The following ARSG variants were observed in gnomAD, a reference collection of about 807,000 sequenced individuals.
ARSG encodes ASG.
ARSG carries 37 observed loss-of-function variants against 50.5 expected under a neutral mutation model. That is an observed-to-expected ratio of 0.73 (90% confidence interval 0.56 to 0.96). ARSG has a LOEUF of 0.96. Ranked by LOEUF, ARSG falls within the 50% of genes least tolerant of loss-of-function variation. ARSG has a pLI of 0.00. For missense variants in ARSG, 629 were observed against 675.3 expected, an observed-to-expected ratio of 0.93 and a Z score of 0.76; for synonymous variants, 225 against 254.6, an observed-to-expected ratio of 0.88 and a Z score of 1.11.
chr17:68,274,187 C>A, intron 1 of ARSG: 1 of 1,117,956 alleles, frequency 8.9e-7, no homozygotes, highest in Non-Finnish European at 1.3e-6. Context: ...TAAATATGGC[C>A]GAGCGCAGTG....
chr17:68,398,928 C>G (rs1345305285), intron 10 of ARSG, among the ~76,000 whole-genome samples: 3 of 152,202 alleles, frequency 2.0e-5, no homozygotes, highest in Admixed American at 6.5e-5. Context: ...AAGGGGAGGG[C>G]TGCACAGCCT....
rs750849846 is a variant in ARSG at position 68,401,377 on chromosome 17, C to G, written c.1230C>G (p.Asn410Lys). The change falls in exon 11 of 12, where the codon AAC becomes AAG. Residue 410 changes from asparagine (N) to lysine (K), a missense_variant. Physicochemically the swap from Asn to Lys is moderately conservative, Grantham distance 94. Coordinates refer to ENST00000621439, the MANE Select transcript of ARSG (RefSeq NM_001267727.2). Reference protein sequence around the residue: ...QPGHRVLFHPNSGAAGEFGAL... With the variant: ...QPGHRVLFHPKSGAAGEFGAL... ...TTTCTCAGGTGCTGTTCCACCCCAA[C>G]AGCGGGGCAGCTGGAGAGTTTGGAG... is the stretch of plus-strand genomic sequence containing the variant. The G allele has an allele frequency of 6.2e-7, 1 of 1,613,912 alleles. No homozygotes were observed.
upstream of ARSG, among the ~76,000 whole-genome samples, chr17:68,288,742 A>G (rs1048431873): frequency 5.3e-5 from 8 of 152,342 alleles, no homozygotes; most frequent in South Asian, 1.7e-3. Context: ...CTTTGAAGGC[A>G]AGGCCGAAGA....
the ARSG span, among the ~76,000 whole-genome samples, chr17:68,437,293 AC>A: frequency 6.6e-6 from 1 of 151,954 alleles, no homozygotes; most frequent in Non-Finnish European, 1.5e-5. Flanking sequence ...GGTGGCCCAC[AC>A]CTGTGATCCC....
In ARSG at chr17:68,389,174, TCTC is replaced by T. The variant is rs145845620; in HGVS notation, c.1091+4010_1091+4012del. On this transcript the variant is annotated intron_variant, in intron 9 of 11. Transcript: ENST00000621439. The stretch of plus-strand genomic sequence containing the variant: ...AACCACATGTCGCCTTTCCAAGTCC[TCTC>T]CTCCTCCCTGGATCTGGCAGTGGGT... Among the ~76,000 whole-genome samples the T allele has an allele frequency of 4.3e-3, 648 of 152,212 alleles. 6 individuals carry two copies. Among genetic ancestry groups the T allele is most frequent in the African/African-American group, 0.015 (605 of 41,530 alleles).
intron 2 of ARSG, among the ~76,000 whole-genome samples, chr17:68,328,834 T>C (rs1415760015): frequency 1.3e-5 from 2 of 151,868 alleles, no homozygotes; most frequent in Non-Finnish European, 2.9e-5. Context: ...GCTATGGCTT[T>C]CCCACCAGAC....
chr17:68,395,099 T>C lies in ARSG; in HGVS notation c.1118T>C (p.Val373Ala), dbSNP rs564693630. The change falls in exon 10 of 12, where the codon GTA becomes GCA. Residue 373 changes from valine to alanine, a missense_variant. By Grantham distance (64) the Val-to-Ala change is moderately conservative. Transcript: ENST00000621439. The stretch of plus-strand genomic sequence containing the variant: ...GTGCTGGACATTTTTCCAACTGTGG[T>C]AGCCCTGGCCCAGGCCAGCTTACCT... ...LSVLDIFPTV[V>A]ALAQASLPQG... 6.2e-7 allele frequency: 1 copy of C among 1,614,044 alleles called. No individual in the cohort carries two copies. The highest frequency in any genetic ancestry group is 8.5e-7 in the Non-Finnish European group (1 of 1,179,904).
intron 9 of ARSG, among the ~76,000 whole-genome samples, chr17:68,394,773 A>G (rs972013670): frequency 2.0e-5 from 3 of 152,156 alleles, no homozygotes; most frequent in African/African-American, 7.2e-5. Context: ...TATCATACCC[A>G]TCTTAGAGAA....
chr17:68,364,750 G>A (rs181042885), intron 6 of ARSG, among the ~76,000 whole-genome samples: 7 of 152,258 alleles, frequency 4.6e-5, no homozygotes, highest in Non-Finnish European at 1.0e-4. Context: ...TGAAATGAAT[G>A]TGTTTTAGAA....
At chr17:68,359,184 A>G (rs953928863) in intron 6 of ARSG, among the ~76,000 whole-genome samples, 1 of 152,074 alleles carries the variant, frequency 6.6e-6, no homozygotes, top group Non-Finnish European at 1.5e-5. Flanking sequence ...AACAACAACA[A>G]CAACAAAACT....
intron 1 of ARSG, among the ~76,000 whole-genome samples, chr17:68,276,072 T>C (rs1451128619): frequency 2.6e-5 from 4 of 152,048 alleles, no homozygotes; most frequent in African/African-American, 9.7e-5. Context: ...GTATGAGAAC[T>C]AACAAGATAA....
the ARSG span, chr17:68,444,550 T>G: frequency 1.2e-6 from 2 of 1,614,154 alleles, no homozygotes; most frequent in Non-Finnish European, 8.5e-7. Context: ...TCTTTAATGT[T>G]GTGAATATAA....
the ARSG span, among the ~76,000 whole-genome samples, chr17:68,451,977 TAACA>T: frequency 6.6e-6 from 1 of 152,188 alleles, no homozygotes; most frequent in Admixed American, 6.5e-5. Context: ...AATGGTGTAA[TAACA>T]ATAACATCTT....
rs913485895 is a variant in ARSG at position 68,314,424 on chromosome 17, G to A, written c.218+6713G>A. The stretch of plus-strand genomic sequence containing the variant: ...GCTTGTAATCCCAGCTACTCGGGAG[G>A]CTGAGGCGGGAGAATCATTTGAACC... On this transcript the variant is annotated intron_variant, in intron 2 of 11. Transcript: ENST00000621439. 1.1e-4 allele frequency among the ~76,000 whole-genome samples: 16 copies of A among 151,920 alleles called. 1 individual carries two copies. Among genetic ancestry groups the A allele is most frequent in the Admixed American group, 1.0e-3 (16 of 15,246 alleles).
At chr17:68,389,490 A>G (rs928020475) in intron 9 of ARSG, among the ~76,000 whole-genome samples, 1 of 152,044 alleles carries the variant, frequency 6.6e-6, no homozygotes, top group Non-Finnish European at 1.5e-5. Context: ...TTTCTCGGGG[A>G]TAATGACAGG....
intron 6 of ARSG, among the ~76,000 whole-genome samples, chr17:68,366,611 T>C (rs1391127290): frequency 2.6e-5 from 4 of 152,120 alleles, no homozygotes; most frequent in African/African-American, 9.7e-5. Context: ...ATCTGCACTG[T>C]CCAAGCTGCT....
chr17:68,277,419 C>T (rs184704363), intron 1 of ARSG, among the ~76,000 whole-genome samples: 305 of 151,526 alleles, frequency 2.0e-3, no homozygotes, highest in Non-Finnish European at 3.2e-3. Flanking sequence ...CGTGAGCCAC[C>T]GCGCCCGGCC....
chr17:68,270,712 C>G (rs1555748171), intron 1 of ARSG: 1 of 797,256 alleles, frequency 1.3e-6, no homozygotes, highest in Non-Finnish European at 2.0e-6. Flanking sequence ...ATCTCTAATC[C>G]CTGGCAGCTC....
At chr17:68,269,125 T>G in intron 1 of ARSG, 2 of 1,513,880 alleles carry the variant, frequency 1.3e-6, no homozygotes, top group Non-Finnish European at 1.8e-6. Flanking sequence ...ACGTGAACTC[T>G]GTGCTCATTT....
Sources: allele counts gnomAD v4.1 joint callset (sites outside exome capture counted in the v4.1 genomes callset), GRCh38; gene constraint gnomAD v4.1.1; transcripts MANE v1.5; gene names NCBI Gene and HGNC (gene_info 2026-07-23, HGNC 2026-07-21).